Variants in DRC8 observed in about 807,000 individuals in gnomAD.
DRC8 encodes the protein dynein regulatory complex subunit 8, also known as dynein regulatory complex protein 8.
At chr1:245,065,073 CTTTTTTTTTTTTTT>C in the DRC8 span, among the ~76,000 whole-genome samples, 1 of 81,566 alleles carries the variant, frequency 1.2e-5, no homozygotes, top group African/African-American at 4.2e-5. Flanking sequence ...TAACATTCTT[CTTTTTTTTTTTTTT>C]TTTTTTTTTT....
At chr1:245,021,367 A>G in the DRC8 span, among the ~76,000 whole-genome samples, 1 of 152,062 alleles carries the variant, frequency 6.6e-6, no homozygotes, top group East Asian at 1.9e-4. Flanking sequence ...TTAGAACAAT[A>G]TTAGCTTGGG....
At chr1:245,051,581 G>T in the DRC8 span, among the ~76,000 whole-genome samples, 1 of 152,122 alleles carries the variant, frequency 6.6e-6, no homozygotes, top group Admixed American at 6.6e-5. Context: ...ATTCTGCAGC[G>T]CGGTGAGGCA....
the DRC8 span, among the ~76,000 whole-genome samples, chr1:245,066,766 G>A: frequency 6.6e-6 from 1 of 152,048 alleles, no homozygotes; most frequent in African/African-American, 2.4e-5. Context: ...AATTAGCCGG[G>A]CTTGGTGGCG....
At chr1:245,081,170 T>C in the DRC8 span, among the ~76,000 whole-genome samples, 2 of 150,702 alleles carry the variant, frequency 1.3e-5, no homozygotes, top group African/African-American at 4.8e-5. Context: ...TCTATATATA[T>C]ATATTTTTTG....
At chr1:244,995,974 T>C in the DRC8 span, among the ~76,000 whole-genome samples, 7 of 152,230 alleles carry the variant, frequency 4.6e-5, no homozygotes, top group Non-Finnish European at 8.8e-5. Context: ...TGTTATCTAG[T>C]ACTATTACCT....
At chr1:245,059,417 T>G in the DRC8 span, 1 of 1,612,486 alleles carries the variant, frequency 6.2e-7, no homozygotes, top group East Asian at 2.2e-5. Flanking sequence ...GTCATTAGGA[T>G]GCTGTCCTAC....
At chr1:245,020,616 T>C in the DRC8 span, among the ~76,000 whole-genome samples, 1 of 110,530 alleles carries the variant, frequency 9.0e-6, no homozygotes, top group East Asian at 2.1e-4. Flanking sequence ...TTTCTTTCTT[T>C]TTTTTTTTTT....
the DRC8 span, among the ~76,000 whole-genome samples, chr1:244,977,478 A>G: frequency 1.3e-5 from 2 of 152,112 alleles, no homozygotes; most frequent in Non-Finnish European, 2.9e-5. Context: ...TGAGACCAGG[A>G]GTTCGAGACC....
chr1:245,022,214 C>T, the DRC8 span, among the ~76,000 whole-genome samples: 187 of 151,164 alleles, frequency 1.2e-3, no homozygotes, highest in African/African-American at 4.4e-3. Context: ...GGAGTGATCT[C>T]GGCTCACTGC....
chr1:245,085,836 A>G, the DRC8 span, among the ~76,000 whole-genome samples: 1 of 152,234 alleles, frequency 6.6e-6, no homozygotes, highest in East Asian at 1.9e-4. Context: ...GGGAATGGCA[A>G]TGGGAAGAAG....
the DRC8 span, among the ~76,000 whole-genome samples, chr1:245,109,380 G>A: frequency 6.6e-6 from 1 of 152,116 alleles, no homozygotes; most frequent in East Asian, 1.9e-4. Context: ...TTACCCTCCT[G>A]CTTAATAATC....
the DRC8 span, among the ~76,000 whole-genome samples, chr1:244,983,054 C>G: frequency 6.6e-6 from 1 of 151,646 alleles, no homozygotes; most frequent in African/African-American, 2.4e-5. Flanking sequence ...AGACTCCAAT[C>G]TCCTAGGGAA....
At chr1:245,069,316 A>T in the DRC8 span, among the ~76,000 whole-genome samples, 1 of 152,320 alleles carries the variant, frequency 6.6e-6, no homozygotes, top group Non-Finnish European at 1.5e-5. Context: ...CTATTAAGAA[A>T]ATCATAAGGA....
At chr1:245,099,402 G>A in the DRC8 span, among the ~76,000 whole-genome samples, 2 of 152,196 alleles carry the variant, frequency 1.3e-5, no homozygotes, top group Non-Finnish European at 2.9e-5. Context: ...TAGGACAAGG[G>A]AAGTTCTTCC....
At chr1:245,049,657 T>G in the DRC8 span, among the ~76,000 whole-genome samples, 1 of 152,284 alleles carries the variant, frequency 6.6e-6, no homozygotes, top group Admixed American at 6.5e-5. The surrounding 1 kb of genome is among the most constrained non-coding windows in gnomAD (Gnocchi z 4.5). Flanking sequence ...AATTTGTCAC[T>G]TGGGTCAACA....
chr1:244,983,765 C>T, the DRC8 span, among the ~76,000 whole-genome samples: 11 of 141,562 alleles, frequency 7.8e-5, no homozygotes, highest in Non-Finnish European at 1.5e-4. Flanking sequence ...AAAAAGTAAC[C>T]GGAAATACCG....
chr1:245,046,219 C>G, the DRC8 span, among the ~76,000 whole-genome samples: 7,884 of 152,026 alleles, frequency 0.052, 297 homozygotes, highest in Non-Finnish European at 0.08. Context: ...AAACTTCTTT[C>G]TTTTATTTTC....
the DRC8 span, chr1:245,083,567 G>T: frequency 6.3e-7 from 1 of 1,587,080 alleles, no homozygotes; most frequent in Non-Finnish European, 8.6e-7. Flanking sequence ...AATTTATCAT[G>T]TAGAACTTAT....
chr1:244,991,795 CTTTT>C, the DRC8 span, among the ~76,000 whole-genome samples: 4 of 152,106 alleles, frequency 2.6e-5, no homozygotes, highest in Non-Finnish European at 5.9e-5. Flanking sequence ...CACAAGGAAA[CTTTT>C]TTTCTTGACA....
Sources: gnomAD v4.1 joint callset for allele counts (sites outside exome capture counted in the v4.1 genomes callset) on GRCh38, gnomAD v4.1.1 for gene constraint, Gnocchi (gnomAD v3.1) non-coding constraint, MANE v1.5 for transcripts, NCBI Gene and HGNC (gene_info 2026-07-23, HGNC 2026-07-21) for gene names.